Variants in SND1 observed in about 807,000 individuals in gnomAD.
SND1 encodes the protein staphylococcal nuclease and tudor domain containing 1.
Under a neutral mutation model 121.7 loss-of-function variants are expected in SND1, and 38 were observed. That is an observed-to-expected ratio of 0.31 (90% CI 0.24 to 0.41). The LOEUF (loss-of-function observed/expected upper bound fraction) is 0.41. Among genes scored for constraint, SND1 ranks in the 10% least tolerant of loss-of-function variants. The pLI is 1.00. For synonymous variants in SND1, 401 were observed against 447.4 expected (o/e 0.90, Z 1.31); for missense variants, 868 against 1,184.6 (o/e 0.73, Z 3.92).
In SND1 at chr7:127,915,636, T is replaced by A. The variant is rs2116788540; in HGVS notation, c.1527+10817T>A. On this transcript the variant is annotated intron_variant, in intron 14 of 23. Transcript: ENST00000354725. ...TTTACAGGGAATACACAATTTGTTA[T>A]ATAATTACAATTGTAATGGGAGTAC... Among the ~76,000 whole-genome samples, 3 of 152,364 alleles carry A rather than the reference T, an allele frequency of 2.0e-5. No individual in the cohort carries two copies. The East Asian group carries it at 5.8e-4, about 29-fold the overall frequency.
chr7:127,698,748 T>C, intron 3 of SND1, 127 bp from the exon 4 acceptor site: 1 of 731,514 alleles, frequency 1.4e-6, no homozygotes, highest in Non-Finnish European at 2.4e-6. Flanking sequence ...ACATTGCTGC[T>C]GTGTCCATTT....
intron 14 of SND1, among the ~76,000 whole-genome samples, chr7:127,914,166 T>C (rs1363205020): frequency 1.3e-5 from 2 of 152,176 alleles, no homozygotes; most frequent in Non-Finnish European, 2.9e-5. Context: ...AAGACCTGTG[T>C]TATATTGATT....
intron 16 of SND1, among the ~76,000 whole-genome samples, chr7:128,022,204 C>CAAAAAAAAAAAA (rs58371490): frequency 1.3e-5 from 1 of 74,148 alleles, no homozygotes; most frequent in Non-Finnish European, 2.8e-5. Context: ...GACTCTCTCT[C>CAAAAAAAAAAAA]AAAAAAAAAA....
chr7:127,696,876 G>A (rs1037993554), intron 3 of SND1, among the ~76,000 whole-genome samples: 2 of 152,186 alleles, frequency 1.3e-5, no homozygotes, highest in Non-Finnish European at 2.9e-5. Flanking sequence ...CAATAAATAT[G>A]TACTTAAAGA....
At chr7:127,913,710 G>A (rs1185939875) in intron 14 of SND1, among the ~76,000 whole-genome samples, 1 of 152,162 alleles carries the variant, frequency 6.6e-6, no homozygotes, top group South Asian at 2.1e-4. Flanking sequence ...TGTCTGATCT[G>A]TCCCATGGCT....
At chr7:127,843,543 C>T (rs967893368) in intron 11 of SND1, among the ~76,000 whole-genome samples, 2 of 152,176 alleles carry the variant, frequency 1.3e-5, no homozygotes, top group Non-Finnish European at 2.9e-5. Context: ...TATGTCTAAG[C>T]TTCCTCCATG....
chr7:127,882,828 T>G (rs1448352274), intron 12 of SND1, among the ~76,000 whole-genome samples: 1 of 152,144 alleles, frequency 6.6e-6, no homozygotes, highest in Admixed American at 6.5e-5. Flanking sequence ...TTAGACAAAT[T>G]TATAAATTCT....
At chr7:128,054,309 T>C (rs1793099939) in intron 16 of SND1, among the ~76,000 whole-genome samples, 3 of 152,324 alleles carry the variant, frequency 2.0e-5, no homozygotes, top group African/African-American at 7.2e-5. Flanking sequence ...CACCCAGTGG[T>C]GCCCCAGAGG....
chr7:128,001,043 G>A (rs1016156476), intron 16 of SND1, among the ~76,000 whole-genome samples: 4 of 152,272 alleles, frequency 2.6e-5, no homozygotes, highest in Non-Finnish European at 4.4e-5. Context: ...GAGAACCTCC[G>A]TGTTCCAAAC....
chr7:127,807,451 C>A, intron 10 of SND1, 33 bp from the exon 11 acceptor site: 2 of 1,538,446 alleles, frequency 1.3e-6, no homozygotes, highest in South Asian at 1.1e-5. Context: ...TGATATTGTT[C>A]ATTCCTGATG....
At position 127,766,631 on chromosome 7, in the gene SND1, C is replaced by T. The variant is rs984473478; in HGVS notation, c.1153-40853C>T. 9.2e-5 allele frequency among the ~76,000 whole-genome samples: 14 copies of T among 151,578 alleles called. No homozygotes were observed. In the East Asian group the frequency reaches 9.7e-4, roughly 10 times the overall value. ...TCTACTAAAAATACAAAAAATTAGC[C>T]GGGCGTGGTGGCGGGCACCTGTAGT... On this transcript the variant is annotated intron_variant, in intron 10 of 23. Coordinates refer to ENST00000354725, the MANE Select transcript of SND1 (RefSeq NM_014390.4).
intron 14 of SND1, among the ~76,000 whole-genome samples, chr7:127,925,832 T>A (rs1219571733): frequency 6.6e-6 from 1 of 151,974 alleles, no homozygotes; most frequent in East Asian, 1.9e-4. Context: ...TGATCTCAGA[T>A]GATCCTCCTG....
chr7:127,986,779 G>T (rs1338944351), intron 15 of SND1, among the ~76,000 whole-genome samples: 3 of 152,224 alleles, frequency 2.0e-5, no homozygotes, highest in Admixed American at 6.5e-5. Context: ...TGTCTTACCT[G>T]CCTCTCCTGT....
intron 16 of SND1, chr7:128,007,917 T>C (rs1469107708): frequency 6.6e-6 from 1 of 152,116 alleles, no homozygotes; most frequent in African/African-American, 2.4e-5. Context: ...TCACAGTAAA[T>C]GAGAAAACTG....
chr7:127,995,106 A>G (rs769120689), intron 16 of SND1, among the ~76,000 whole-genome samples: 1 of 152,242 alleles, frequency 6.6e-6, no homozygotes, highest in African/African-American at 2.4e-5. Context: ...CAGAGGCTAT[A>G]TGGCTTGCAA....
In SND1 at chr7:127,683,589, G is replaced by A. The variant is rs576421746; in HGVS notation, c.79-3024G>A. 2.0e-5 allele frequency among the ~76,000 whole-genome samples: 3 copies of A among 152,272 alleles called. No individual in the cohort carries two copies. The South Asian group carries it at 6.2e-4, about 32-fold the overall frequency. ...AACTAGTTCTTCCCTAGTAGAAATA[G>A]TTCTCTTACTTCCATAACTGTGTAC... On this transcript the variant is annotated intron_variant, in intron 1 of 23. Coordinates refer to ENST00000354725, the MANE Select transcript of SND1 (RefSeq NM_014390.4).
At chr7:127,665,379 G>A (rs1297616267) in intron 1 of SND1, among the ~76,000 whole-genome samples, 1 of 151,808 alleles carries the variant, frequency 6.6e-6, no homozygotes, top group Non-Finnish European at 1.5e-5. Context: ...AGTAGAGATG[G>A]GGTTTCACCG....
intron 18 of SND1, among the ~76,000 whole-genome samples, chr7:128,083,910 C>A (rs1272525987): frequency 6.6e-6 from 1 of 152,070 alleles, no homozygotes; most frequent in Admixed American, 6.6e-5. Context: ...CTGAGTAGGC[C>A]CTGGGTGTTG....
intron 13 of SND1, among the ~76,000 whole-genome samples, chr7:127,896,940 T>C (rs999775955): frequency 6.6e-6 from 1 of 152,132 alleles, no homozygotes; most frequent in African/African-American, 2.4e-5. Flanking sequence ...CTATCATGCT[T>C]CTGCTCTAAT....
Sources: gnomAD v4.1 joint callset for allele counts (sites outside exome capture counted in the v4.1 genomes callset) on GRCh38, gnomAD v4.1.1 for gene constraint, MANE v1.5 for transcripts, NCBI Gene and HGNC (gene_info 2026-07-23, HGNC 2026-07-21) for gene names.